Variants in RUNX3 observed in about 807,000 individuals in gnomAD.
RUNX3 encodes RUNX family transcription factor 3.
A neutral mutation model predicts 27.7 loss-of-function variants in RUNX3; 10 were observed. The ratio of observed to expected loss-of-function variants is 0.36; its 90% CI spans 0.22 to 0.61. The LOEUF (loss-of-function observed/expected upper bound fraction) is 0.61. RUNX3 is among the 20% of genes least tolerant of loss of function. The pLI is 0.72. For synonymous variants in RUNX3, 270 were observed against 269.2 expected (o/e 1.00, Z -0.03); for missense variants, 469 against 629.5 (o/e 0.75, Z 2.73).
chr1:24,930,363 G>T (rs1641197758), upstream of RUNX3: 6 of 410,940 alleles, frequency 1.5e-5, no homozygotes, highest in Non-Finnish European at 2.0e-5. The surrounding 1 kb of genome is among the most constrained non-coding windows in gnomAD (Gnocchi z 4.1). Context: ...GCCAATCGGC[G>T]GAGCCCCCAT....
chr1:24,926,955 G>A (rs1641111066), intron 2 of RUNX3, among the ~76,000 whole-genome samples: 3 of 144,618 alleles, frequency 2.1e-5, no homozygotes. Context: ...TCCTTCTGCT[G>A]CTCAAGGTCG....
rs533886108 is a variant in RUNX3, at chr1:24,923,690, G to C, written c.439+3884C>G. 1.0e-3 allele frequency among the ~76,000 whole-genome samples: 157 copies of C among 152,210 alleles called. No homozygotes were observed. Among genetic ancestry groups the C allele is most frequent in the Non-Finnish European group, 2.0e-3 (135 of 67,990 alleles). ...CCCCACCCACAGGAGCTGCATGGGT[G>C]GGGGGAGGGGACGTGTCTCAGTCTC... On this transcript the variant is annotated intron_variant, in intron 2 of 4. Coordinates refer to ENST00000308873, the MANE Select transcript of RUNX3 (RefSeq NM_004350.3). The surrounding 1 kb of genome is among the most constrained non-coding windows in gnomAD (Gnocchi z 5.9).
chr1:24,927,498 G>A lies in RUNX3; in HGVS notation c.439+76C>T. On this transcript the variant is annotated intron_variant, in intron 2 of 4. Coordinates refer to ENST00000308873, the MANE Select transcript of RUNX3 (RefSeq NM_004350.3). The surrounding 1 kb of genome is among the most constrained non-coding windows in gnomAD (Gnocchi z 5.0). ...GAGACCTGTTTTTCGGGATTCTAAG[G>A]CCCCTCTTTCAACCTCCTTCCCTGC... 6.9e-7 allele frequency: 1 copy of A among 1,442,930 alleles called. No homozygotes were observed. The highest frequency in any genetic ancestry group is 9.7e-7 in the Non-Finnish European group (1 of 1,029,022). 89.4% of individuals were successfully genotyped at this position (1,442,930 alleles called of 1,614,324 possible).
chr1:24,923,004 G>A lies in RUNX3; in HGVS notation c.440-3660C>T, dbSNP rs747574233. 2.6e-5 allele frequency among the ~76,000 whole-genome samples: 4 copies of A among 152,064 alleles called. No homozygotes were observed. The highest frequency in any genetic ancestry group is 4.4e-5 in the Non-Finnish European group (3 of 68,030). The stretch of plus-strand genomic sequence containing the variant: ...ATGCAGTGTCTCCAGCCCCTAGGAC[G>A]GCATCCGGCACAGAGTAGGTGCTCA... On this transcript the variant is annotated intron_variant, in intron 2 of 4. Transcript: ENST00000308873. This position sits in a 1 kb window ranked among gnomAD's most constrained non-coding sequence, Gnocchi z 5.9.
At position 24,904,216 on chromosome 1, in the gene RUNX3, C is replaced by T. The variant is rs370245863; in HGVS notation, c.704-1550G>A. Among the ~76,000 whole-genome samples the T allele has an allele frequency of 5.8e-4, 89 of 152,298 alleles. 2 individuals are homozygous for T. In the South Asian group the frequency reaches 0.016, roughly 28 times the overall value. ...TAGCCGGAGTGGGCTCTGCCTGCCA[C>T]GCCGAGGCTTGGCTGAGGACGGAGA... is the stretch of plus-strand genomic sequence containing the variant. On this transcript the variant is annotated intron_variant, in intron 4 of 4. Transcript: ENST00000308873. The surrounding 1 kb of genome is among the most constrained non-coding windows in gnomAD (Gnocchi z 5.7).
At chr1:24,931,392 C>G (rs1374811354), upstream of RUNX3, among the ~76,000 whole-genome samples, 2 of 152,208 alleles carry the variant, frequency 1.3e-5, no homozygotes, top group Non-Finnish European at 2.9e-5. Context: ...CACTGCAAAT[C>G]ACCCCTTCCT....
chr1:24,929,772 T>C lies in RUNX3; in HGVS notation c.97A>G (p.Ser33Gly). The C allele has an allele frequency of 6.9e-7, 1 of 1,449,878 alleles. No homozygotes were observed. The highest frequency in any genetic ancestry group is 9.0e-7 in the Non-Finnish European group (1 of 1,110,214). The allele number at this position is 1,449,878 out of a possible 1,614,324, so 89.8% of individuals were successfully genotyped here. The change falls in exon 1 of 5, where the codon AGC becomes GGC. Residue 33 changes from serine to glycine, a missense_variant. By Grantham distance (56) the Ser-to-Gly change is moderately conservative. Transcript: ENST00000308873. ...GCCGCCTGCGCGCTCAGCGCGCCGCTGTTCTCGCCCATCTTGCCGCCGCCG... is the reference window on the plus strand; with the variant it reads ...GCCGCCTGCGCGCTCAGCGCGCCGCCGTTCTCGCCCATCTTGCCGCCGCCG... Reference protein sequence around the residue: ...GGGGGKMGENSGALSAQAAVG... With the variant: ...GGGGGKMGENGGALSAQAAVG...
rs188637541 is a variant in RUNX3, at chr1:24,900,077, C to T, written c.*2045G>A. On this transcript the variant is annotated 3_prime_UTR_variant, in exon 5 of 5. Coordinates refer to ENST00000308873, the MANE Select transcript of RUNX3 (RefSeq NM_004350.3). ...ACTGGGAACCCAAAGGTGCCTCCCA[C>T]GCTGACCTGGGACCAGCTATAACCA... 2.0e-5 allele frequency: 3 copies of T among 152,296 alleles called. No homozygotes were observed. Among genetic ancestry groups the T allele is most frequent in the African/African-American group, 4.8e-5 (2 of 41,450 alleles). The allele number at this position is 152,296 out of a possible 1,614,324, so 9.4% of individuals were successfully genotyped here.
Position 24,925,979 on chromosome 1 carries a change from T to A in RUNX3, c.439+1595A>T, listed in dbSNP as rs1641091844. 2.0e-5 allele frequency among the ~76,000 whole-genome samples: 3 copies of A among 152,142 alleles called. No individual in the cohort carries two copies. The South Asian group carries it at 6.2e-4, about 32-fold the overall frequency. On this transcript the variant is annotated intron_variant, in intron 2 of 4. Transcript: ENST00000308873. ...CAGTGTGCAGAATGGCCAGACAAGG[T>A]CTCGGTAACTCAGAAAATCGTCGTC... is the stretch of plus-strand genomic sequence containing the variant.
chr1:24,941,056 T>C (rs971638935), intron 2 of RUNX3, among the ~76,000 whole-genome samples: 1 of 152,176 alleles, frequency 6.6e-6, no homozygotes, highest in Non-Finnish European at 1.5e-5. Flanking sequence ...GTGCATAATA[T>C]CGTACAATTA....
Position 24,939,533 on chromosome 1 carries a change from C to T in RUNX3, c.59-9681G>A, listed in dbSNP as rs574772053. Among the ~76,000 whole-genome samples the T allele has an allele frequency of 2.0e-5, 3 of 152,368 alleles. No homozygotes were observed. In the East Asian group the frequency reaches 5.8e-4, roughly 29 times the overall value. The stretch of plus-strand genomic sequence containing the variant: ...CATCACAGCTGTGTAAACAGCAGAC[C>T]ATTGTGTGGACAAATCTTTACACAC... On this transcript the variant is annotated intron_variant, in intron 2 of 6. Coordinates refer to the RUNX3 transcript ENST00000338888.
upstream of RUNX3, among the ~76,000 whole-genome samples, chr1:24,934,265 G>GT (rs1423400453): frequency 6.6e-6 from 1 of 152,222 alleles, no homozygotes; most frequent in African/African-American, 2.4e-5. Context: ...TAGGCCGGGG[G>GT]TCCAGCTCCA....
chr1:24,908,124 A>G (rs112694611), intron 3 of RUNX3, among the ~76,000 whole-genome samples: 44,493 of 102,444 alleles, frequency 0.43, 10,818 homozygotes, highest in African/African-American at 0.74. Flanking sequence ...GCGGTGATCC[A>G]AACCTCTATG....
intron 2 of RUNX3, among the ~76,000 whole-genome samples, chr1:24,939,685 G>A (rs542999121): frequency 6.6e-6 from 1 of 152,374 alleles, no homozygotes; most frequent in South Asian, 2.1e-4. Flanking sequence ...CTTTCTGGGT[G>A]GTTTGCCCCC....
intron 1 of RUNX3, chr1:24,964,736 C>G: frequency 1.4e-6 from 2 of 1,452,988 alleles, no homozygotes; most frequent in African/African-American, 1.4e-5. Context: ...CTCTTTTTTC[C>G]CCCCTGCTGC....
intron 2 of RUNX3, among the ~76,000 whole-genome samples, chr1:24,955,679 C>T (rs1182268205): frequency 4.6e-5 from 7 of 152,134 alleles, no homozygotes; most frequent in Non-Finnish European, 7.3e-5. Context: ...CCCTGGCTGT[C>T]GGGGTTCAGG....
At chr1:24,964,584 A>G in exon 2 of RUNX3, 1 of 1,606,354 alleles carries the variant, frequency 6.2e-7, no homozygotes, top group Admixed American at 1.7e-5. Flanking sequence ...CCCGCTCTGA[A>G]GAAGGCGAGA....
At chr1:24,931,426 G>A (rs1292390089), upstream of RUNX3, among the ~76,000 whole-genome samples, 1 of 152,172 alleles carries the variant, frequency 6.6e-6, no homozygotes, top group African/African-American at 2.4e-5. Context: ...AGTCTGTCGA[G>A]CAGACCTAGG....
Position 24,901,361 on chromosome 1 carries a change from C to T in RUNX3, c.*761G>A, listed in dbSNP as rs140666285. ...GAGAACAGAGAGTGGATGCGTTGAG[C>T]TGGTAAAGTGCATGGAGGAGCCGGT... On this transcript the variant is annotated 3_prime_UTR_variant, in exon 5 of 5. Coordinates refer to ENST00000308873, the MANE Select transcript of RUNX3 (RefSeq NM_004350.3). 7.5e-4 allele frequency: 114 copies of T among 152,758 alleles called. No homozygotes were observed. Among genetic ancestry groups the T allele is most frequent in the African/African-American group, 2.7e-3 (112 of 41,510 alleles). 9.5% of individuals were successfully genotyped at this position (152,758 alleles called of 1,614,324 possible). A position where few individuals can be genotyped will look rare whatever the true frequency, so the allele number is the denominator to read the frequency against.
Sources: allele counts gnomAD v4.1 joint callset (sites outside exome capture counted in the v4.1 genomes callset), GRCh38; gene constraint gnomAD v4.1.1; non-coding constraint Gnocchi (gnomAD v3.1); transcripts MANE v1.5; gene names NCBI Gene and HGNC (gene_info 2026-07-23, HGNC 2026-07-21).